Variants in SPTY2D1 observed in about 807,000 individuals in gnomAD.
SPTY2D1 encodes the protein protein SPT2 homolog.
SPTY2D1 carries 21 observed loss-of-function variants against 64.0 expected under a neutral mutation model. The ratio of observed to expected loss-of-function variants is 0.33; its 90% CI spans 0.23 to 0.47. The LOEUF is 0.47. Ranked by LOEUF, SPTY2D1 falls within the 20% of genes least tolerant of loss-of-function variation. SPTY2D1 has a pLI of 1.00. For synonymous variants in SPTY2D1, 287 were observed against 286.8 expected, an observed-to-expected ratio of 1.00 and a Z score of -0.01; for missense variants, 724 against 837.2, an observed-to-expected ratio of 0.86 and a Z score of 1.67.
rs1223211723 is a variant in SPTY2D1 at position 18,607,926 on chromosome 11, C to T, written c.*1935G>A. The T allele has an allele frequency of 3.9e-5, 6 of 152,082 alleles. No homozygotes were observed. The East Asian group carries it at 9.6e-4, about 24-fold the overall frequency. The allele number at this position is 152,082 out of a possible 1,614,324, so 9.4% of individuals were successfully genotyped here. The stretch of plus-strand genomic sequence containing the variant: ...TTACTGCTAGTAAACTTTAAGCCAC[C>T]AGAAATCTTTCAGCTGTGACAAGCA... On this transcript the variant is annotated 3_prime_UTR_variant, in exon 6 of 6. Transcript: ENST00000336349.
intron 1 of SPTY2D1, among the ~76,000 whole-genome samples, chr11:18,619,093 A>G (rs1258563561): frequency 2.6e-5 from 4 of 152,224 alleles, no homozygotes; most frequent in Non-Finnish European, 5.9e-5. Flanking sequence ...AGGAGAAGTA[A>G]TACTGCTAAC....
chr11:18,621,375 G>GAAAAGAAAAGA (rs1040232580), intron 1 of SPTY2D1, among the ~76,000 whole-genome samples: 1 of 143,176 alleles, frequency 7.0e-6, no homozygotes, highest in Non-Finnish European at 1.6e-5. Flanking sequence ...GAAAAGAAAA[G>GAAAAGAAAAGA]AAACACTGAC....
At chr11:18,631,157 T>C (rs1244914552) in intron 1 of SPTY2D1, among the ~76,000 whole-genome samples, 1 of 152,220 alleles carries the variant, frequency 6.6e-6, no homozygotes, top group Non-Finnish European at 1.5e-5. Flanking sequence ...AGCTGTTAAT[T>C]GATACGATAG....
Position 18,612,419 on chromosome 11 carries a change from T to C in SPTY2D1, c.1781A>G (p.Asp594Gly). 1 of 1,611,244 alleles carries C rather than the reference T, an allele frequency of 6.2e-7. No individual in the cohort carries two copies. The highest frequency in any genetic ancestry group is 8.5e-7 in the Non-Finnish European group (1 of 1,178,108). ...TTCCATTTCAGAGTCGTATTCATCA[T>C]CATCGTCATCTTCCTCTTCATATTC... ...QREYEEEDDDDDEYDSEMEDF... is the reference protein window; with the variant it reads ...QREYEEEDDDGDEYDSEMEDF... The change falls in exon 4 of 6, where the codon GAT becomes GGT. Residue 594 changes from aspartate (D) to glycine (G), a missense_variant. Asp to Gly is a moderately conservative substitution (Grantham distance 94). This residue lies in a region of SPTY2D1 where 119 missense variants were observed against 172.9 expected (regional missense o/e 0.69). Coordinates refer to ENST00000336349, the MANE Select transcript of SPTY2D1 (RefSeq NM_194285.3). This position sits in a 1 kb window ranked among gnomAD's most constrained non-coding sequence, Gnocchi z 4.6.
chr11:18,623,542 G>A (rs1406792569), intron 1 of SPTY2D1, among the ~76,000 whole-genome samples: 1 of 152,172 alleles, frequency 6.6e-6, no homozygotes, highest in African/African-American at 2.4e-5. Flanking sequence ...GTATTTTGTA[G>A]ATATAATATC....
intron 1 of SPTY2D1, among the ~76,000 whole-genome samples, chr11:18,617,627 A>C (rs1362230118): frequency 2.0e-4 from 3 of 14,912 alleles, no homozygotes. Context: ...CTCCGTCTCA[A>C]AAAAAAAAAA....
chr11:18,615,619 T>A lies in SPTY2D1; in HGVS notation c.655A>T (p.Thr219Ser). ...ACAGTTGGAGGTAGTTTTCCATCTG[T>A]CTCAAGTTTTTTTCTCCTATGCTTT... Reference protein sequence around the residue: ...ERKHRRKKLETDGKLPPTVSK... With the variant: ...ERKHRRKKLESDGKLPPTVSK... Residue 219 changes from threonine to serine, a missense_variant, in exon 3 of 6, where the codon ACA becomes TCA. By Grantham distance (58) the Thr-to-Ser change is moderately conservative. Around this residue, in one of 3 missense-constraint regions of SPTY2D1, gnomAD observed 426 missense variants for 431.8 expected, o/e 0.99. Transcript: ENST00000336349. 6.2e-7 allele frequency: 1 copy of A among 1,614,200 alleles called. No homozygotes were observed. Among genetic ancestry groups the A allele is most frequent in the Non-Finnish European group, 8.5e-7 (1 of 1,180,026 alleles).
In SPTY2D1 at chr11:18,625,247, C is replaced by T. The variant is rs192643440; in HGVS notation, c.61-8258G>A. Among the ~76,000 whole-genome samples, 20 of 152,270 alleles carry T rather than the reference C, an allele frequency of 1.3e-4. No homozygotes were observed. The East Asian group carries it at 3.9e-3, about 29-fold the overall frequency. On this transcript the variant is annotated intron_variant, in intron 1 of 5. Transcript: ENST00000336349. ...AGTAGGCCTGGAAAACCAATGGTTC[C>T]ATTAGAACTGCTTAGCTGGATGGCT...
rs772581287 is a variant in SPTY2D1, at chr11:18,614,591, A to T, written c.1683T>A (p.Pro561=). ...GGGCAGCTCTGTAGCCAGATAGGGG[A>T]GGCTTCATTCCATTCATCTGTCCAT... ...SSNGQMNGMK[P]PLSGYRAAQG... Residue 561 remains proline (P), a synonymous_variant, in exon 3 of 6, where the codon CCT becomes CCA. Transcript: ENST00000336349. 6.2e-7 allele frequency: 1 copy of T among 1,611,850 alleles called. No individual in the cohort carries two copies. Among genetic ancestry groups the T allele is most frequent in the South Asian group, 1.1e-5 (1 of 90,952 alleles).
chr11:18,621,375 G>GAAAAGAAAAGAAAAGA (rs1040232580), intron 1 of SPTY2D1, among the ~76,000 whole-genome samples: 1 of 143,176 alleles, frequency 7.0e-6, no homozygotes, highest in Non-Finnish European at 1.6e-5. Flanking sequence ...GAAAAGAAAA[G>GAAAAGAAAAGAAAAGA]AAACACTGAC....
intron 1 of SPTY2D1, among the ~76,000 whole-genome samples, chr11:18,624,436 C>G (rs1309999772): frequency 1.3e-5 from 2 of 152,148 alleles, no homozygotes; most frequent in African/African-American, 4.8e-5. Context: ...TAAGCATATC[C>G]ATTTTATTAC....
At chr11:18,617,680 G>C (rs1174169153) in intron 1 of SPTY2D1, among the ~76,000 whole-genome samples, 1 of 146,976 alleles carries the variant, frequency 6.8e-6, no homozygotes, top group Non-Finnish European at 1.5e-5. Flanking sequence ...GGTGGCTCAC[G>C]CCTATAATCC....
intron 1 of SPTY2D1, among the ~76,000 whole-genome samples, chr11:18,629,980 C>T (rs1026492024): frequency 2.6e-5 from 4 of 151,398 alleles, no homozygotes; most frequent in African/African-American, 4.9e-5. Flanking sequence ...ACCATCCTGG[C>T]CAACATGGTG....
intron 1 of SPTY2D1, among the ~76,000 whole-genome samples, chr11:18,621,510 A>G (rs1202764412): frequency 6.6e-6 from 1 of 152,196 alleles, no homozygotes; most frequent in East Asian, 1.9e-4. Flanking sequence ...ACCTATTCTC[A>G]TCAATTTATA....
intron 5 of SPTY2D1, among the ~76,000 whole-genome samples, chr11:18,610,453 G>A (rs1854183213): frequency 6.6e-6 from 1 of 152,008 alleles, no homozygotes; most frequent in Non-Finnish European, 1.5e-5. Context: ...CCTGAGGTCA[G>A]GAGTTTGAGA....
At position 18,634,305 on chromosome 11, in the gene SPTY2D1, A is replaced by G. The variant is rs1285139314; in HGVS notation, c.-48T>C. 3.1e-6 allele frequency: 5 copies of G among 1,604,200 alleles called. No individual in the cohort carries two copies. Among genetic ancestry groups the G allele is most frequent in the Non-Finnish European group, 4.3e-6 (5 of 1,171,976 alleles). On this transcript the variant is annotated 5_prime_UTR_variant, in exon 1 of 6. Coordinates refer to ENST00000336349, the MANE Select transcript of SPTY2D1 (RefSeq NM_194285.3). Reference sequence around the variant, plus strand: ...TGGGCCAGGCACTCGGAAAGGACTGACAGCGCACCTAACCGAGGCGCCCAG... The same window carrying G: ...TGGGCCAGGCACTCGGAAAGGACTGGCAGCGCACCTAACCGAGGCGCCCAG...
At position 18,615,856 on chromosome 11, in the gene SPTY2D1, C is replaced by G; in HGVS notation, c.418G>C (p.Glu140Gln). 2 of 1,614,104 alleles carry G rather than the reference C, an allele frequency of 1.2e-6. No individual in the cohort carries two copies. Among genetic ancestry groups the G allele is most frequent in the Non-Finnish European group, 1.7e-6 (2 of 1,180,020 alleles). The change falls in exon 3 of 6, where the codon GAG (glutamate) becomes CAG (glutamine). Residue 140 changes from glutamate (E) to glutamine (Q), a missense_variant. Glu to Gln is a conservative substitution (Grantham distance 29). Transcript: ENST00000336349. ...EFLEYNHAES[E>Q]QEYEEEQEPP... The stretch of plus-strand genomic sequence containing the variant: ...TCTTGCTCTTCCTCATACTCCTGCT[C>G]TGACTCTGCGTGATTGTACTCGAGG...
chr11:18,628,072 A>G (rs371493429), intron 1 of SPTY2D1, among the ~76,000 whole-genome samples: 2 of 152,262 alleles, frequency 1.3e-5, no homozygotes, highest in South Asian at 2.1e-4. Flanking sequence ...CCTGACTGAG[A>G]TAAGAGACCC....
At chr11:18,630,052 C>T (rs1248533355) in intron 1 of SPTY2D1, among the ~76,000 whole-genome samples, 1 of 151,254 alleles carries the variant, frequency 6.6e-6, no homozygotes, top group African/African-American at 2.4e-5. Flanking sequence ...GCCTGTAATC[C>T]CAGCTACTCG....
Sources: gnomAD v4.1 joint callset for allele counts (sites outside exome capture counted in the v4.1 genomes callset) on GRCh38, gnomAD v4.1.1 for gene constraint, gnomAD v4.1.1 regional missense constraint, Gnocchi (gnomAD v3.1) non-coding constraint, MANE v1.5 for transcripts, NCBI Gene and HGNC (gene_info 2026-07-23, HGNC 2026-07-21) for gene names.